Variants in ITPR1 observed in about 807,000 individuals in gnomAD.
ITPR1 encodes inositol 1,4,5-trisphosphate-gated calcium channel ITPR1.
ITPR1 carries 96 observed loss-of-function variants against 318.4 expected under a neutral mutation model. That is an observed-to-expected ratio of 0.30 (90% confidence interval 0.26 to 0.36). The LOEUF is 0.36. Among genes scored for constraint, ITPR1 ranks in the 10% least tolerant of loss-of-function variants. ITPR1 has a pLI of 1.00. For synonymous variants in ITPR1, 1,312 were observed against 1,289.9 expected, an observed-to-expected ratio of 1.02 and a Z score of -0.37; for missense variants, 2,440 against 3,460.2, an observed-to-expected ratio of 0.71 and a Z score of 7.40.
At chr3:4,513,880 G>C (rs144882979) in intron 2 of ITPR1, among the ~76,000 whole-genome samples, 1 of 152,038 alleles carries the variant, frequency 6.6e-6, no homozygotes, top group Non-Finnish European at 1.5e-5. Flanking sequence ...GAGGCCAGGA[G>C]TTCAAGACCC....
chr3:4,561,177 CAT>C (rs1172425352), intron 4 of ITPR1, among the ~76,000 whole-genome samples: 1 of 152,180 alleles, frequency 6.6e-6, no homozygotes, highest in East Asian at 1.9e-4. Context: ...TAAATAGTCT[CAT>C]ATGAAGTGAG....
chr3:4,685,199 A>T lies in ITPR1; in HGVS notation c.3695A>T (p.Tyr1232Phe), dbSNP rs958916150. 6.2e-7 allele frequency: 1 copy of T among 1,602,002 alleles called. No individual in the cohort carries two copies. ...AVVLELLQIP[Y>F]EKAEDTKMQE... is the part of the protein sequence containing the mutation. ...GTGCTGGAGCTGCTGCAGATTCCCT[A>T]TGAGAAGGTGAGCGGTGCCTCATGC... The change falls in exon 30 of 62, where the codon TAT (tyrosine) becomes TTT (phenylalanine). Residue 1232 changes from tyrosine (Y) to phenylalanine (F), a missense_variant. Tyr to Phe is a conservative substitution (Grantham distance 22). Around this residue, in one of 23 missense-constraint regions of ITPR1, gnomAD observed 222 missense variants for 318.8 expected, o/e 0.70. Coordinates refer to ENST00000649015, the MANE Select transcript of ITPR1 (RefSeq NM_001378452.1).
rs752662599 is a variant in ITPR1 at position 4,674,254 on chromosome 3, A to G, written c.2509A>G (p.Thr837Ala). Residue 837 changes from threonine to alanine, a missense_variant, in exon 22 of 62, where the codon ACC becomes GCC. This residue lies in a region of ITPR1 where 478 missense variants were observed against 696.3 expected (regional missense o/e 0.69). Coordinates refer to ENST00000649015, the MANE Select transcript of ITPR1 (RefSeq NM_001378452.1). ...KDEIKERFAQ[T>A]MEFVEEYLRD... ...TGAAATTAAGGAGAGATTTGCTCAG[A>G]CCATGGAGTTTGTGGAGGAGTATTT... 2 of 1,576,102 alleles carry G rather than the reference A, an allele frequency of 1.3e-6. No homozygotes were observed. The highest frequency in any genetic ancestry group is 1.2e-5 in the South Asian group (1 of 86,160).
chr3:4,818,861 G>A (rs189401829), intron 60 of ITPR1, among the ~76,000 whole-genome samples: 3 of 152,314 alleles, frequency 2.0e-5, no homozygotes, highest in African/African-American at 7.2e-5. Flanking sequence ...AGTTTGCTGA[G>A]ACACCAAACG....
chr3:4,674,149 C>G (rs1056664188), intron 21 of ITPR1, 53 bp from the exon 22 acceptor site: 8 of 1,474,650 alleles, frequency 5.4e-6, no homozygotes, highest in Non-Finnish European at 3.7e-6. Context: ...CCAGGAAGAC[C>G]TCTCTGGGAA....
At chr3:4,611,027 C>T (rs77263789) in intron 4 of ITPR1, among the ~76,000 whole-genome samples, 1,094 of 35,030 alleles carry the variant, frequency 0.031, 29 homozygotes, top group Non-Finnish European at 0.037. Flanking sequence ...CTTCCCCTTC[C>T]TCCCTCCCTC....
chr3:4,666,440 G>T (rs912059858), intron 17 of ITPR1, among the ~76,000 whole-genome samples: 1 of 152,184 alleles, frequency 6.6e-6, no homozygotes, highest in Admixed American at 6.5e-5. Context: ...ATCTGGGTCT[G>T]TGGGGTGTGT....
At chr3:4,651,934 T>G (rs530266193) in intron 10 of ITPR1, among the ~76,000 whole-genome samples, 189 bp from the exon 11 acceptor site, 60 of 152,388 alleles carry the variant, frequency 3.9e-4, no homozygotes, top group African/African-American at 1.3e-3. Context: ...ATGCCTTCTT[T>G]GGAGAGACAC....
chr3:4,772,942 C>G (rs190474321), intron 46 of ITPR1, among the ~76,000 whole-genome samples: 70 of 152,340 alleles, frequency 4.6e-4, no homozygotes, highest in African/African-American at 1.7e-3. Context: ...GCCCAGCTAG[C>G]CTTGAGGACT....
intron 4 of ITPR1, among the ~76,000 whole-genome samples, chr3:4,525,205 C>T (rs2082885042): frequency 6.6e-6 from 1 of 152,064 alleles, no homozygotes; most frequent in East Asian, 1.9e-4. Flanking sequence ...CATAATATTT[C>T]TCAGCTTCTT....
chr3:4,753,434 T>C (rs1033283464), intron 44 of ITPR1, among the ~76,000 whole-genome samples: 4 of 152,114 alleles, frequency 2.6e-5, no homozygotes, highest in African/African-American at 9.7e-5. Flanking sequence ...CTCTAACCGC[T>C]TGGCCATCTG....
Position 4,697,048 on chromosome 3 carries a change from A to G in ITPR1, c.4282-99A>G, listed in dbSNP as rs550427667. The G allele has an allele frequency of 4.1e-5, 44 of 1,072,284 alleles. No homozygotes were observed. The African/African-American group carries it at 5.8e-4, about 14-fold the overall frequency. 66.4% of individuals were successfully genotyped at this position (1,072,284 alleles called of 1,614,324 possible). A position where few individuals can be genotyped will look rare whatever the true frequency, so the allele number is the denominator to read the frequency against. On this transcript the variant is annotated intron_variant, in intron 33 of 61. Transcript: ENST00000649015. ...GTAAGACTTGGCAGTGGGGAATGGGATGACCATTTTCATCGGTCCTTGCTG... is the reference window on the plus strand; with the variant it reads ...GTAAGACTTGGCAGTGGGGAATGGGGTGACCATTTTCATCGGTCCTTGCTG...
chr3:4,705,548 C>T (rs2125271631), intron 36 of ITPR1, among the ~76,000 whole-genome samples: 1 of 152,318 alleles, frequency 6.6e-6, no homozygotes, highest in South Asian at 2.1e-4. Context: ...ATTTCTCAGC[C>T]TTTCCTTGTT....
chr3:4,592,591 G>A (rs2090476933), intron 4 of ITPR1, among the ~76,000 whole-genome samples: 2 of 152,048 alleles, frequency 1.3e-5, no homozygotes. Flanking sequence ...TCCAGGGGCT[G>A]GACTGTCTGA....
intron 61 of ITPR1, among the ~76,000 whole-genome samples, chr3:4,841,307 AAGG>A (rs2051325537): frequency 6.6e-6 from 1 of 152,172 alleles, no homozygotes; most frequent in Non-Finnish European, 1.5e-5. Context: ...TGCAGTGCAG[AAGG>A]AGTTTAGCTT....
intron 55 of ITPR1, 49 bp downstream of exon 55, chr3:4,806,316 T>G: frequency 2.6e-6 from 4 of 1,515,510 alleles, no homozygotes; most frequent in Non-Finnish European, 3.7e-6. Flanking sequence ...ACTAGGAGAG[T>G]GTCCTATGTC....
At chr3:4,539,874 T>G (rs900313365) in intron 4 of ITPR1, among the ~76,000 whole-genome samples, 4 of 152,042 alleles carry the variant, frequency 2.6e-5, no homozygotes, top group Non-Finnish European at 5.9e-5. Context: ...AGATGTGGCC[T>G]CTGACTTGGA....
chr3:4,638,477 C>T (rs1338544563), intron 5 of ITPR1, among the ~76,000 whole-genome samples: 3 of 152,172 alleles, frequency 2.0e-5, no homozygotes, highest in Non-Finnish European at 4.4e-5. Flanking sequence ...CTAGAACCTT[C>T]TATTCAGCTT....
chr3:4,792,970 T>G (rs2047666710), intron 52 of ITPR1, among the ~76,000 whole-genome samples: 1 of 152,030 alleles, frequency 6.6e-6, no homozygotes, highest in Non-Finnish European at 1.5e-5. Flanking sequence ...ACCACTAGAT[T>G]GGGATACAAA....
Sources: allele counts gnomAD v4.1 joint callset (sites outside exome capture counted in the v4.1 genomes callset), GRCh38; gene constraint gnomAD v4.1.1; regional missense constraint gnomAD v4.1.1; transcripts MANE v1.5; gene names NCBI Gene and HGNC (gene_info 2026-07-23, HGNC 2026-07-21).